Variants in SEC24D observed in about 807,000 individuals in gnomAD.
SEC24D encodes the protein SEC24 homolog D, COPII component.
A neutral mutation model predicts 116.9 loss-of-function variants in SEC24D; 69 were observed. That is an observed-to-expected ratio of 0.59 (90% CI 0.49 to 0.72). SEC24D has a LOEUF of 0.72. Among genes scored for constraint, SEC24D ranks in the 30% least tolerant of loss-of-function variants. The pLI is 0.00. For synonymous variants in SEC24D, 405 were observed against 442.8 expected, an observed-to-expected ratio of 0.91 and a Z score of 1.07; for missense variants, 1,131 against 1,264.1, an observed-to-expected ratio of 0.89 and a Z score of 1.60.
At position 118,825,292 on chromosome 4, in the gene SEC24D, G is replaced by A. The variant is rs117002494; in HGVS notation, c.119-543C>T. On this transcript the variant is annotated intron_variant, in intron 2 of 22. Coordinates refer to ENST00000280551, the MANE Select transcript of SEC24D (RefSeq NM_014822.4). ...AAAAATCTTTCCAGAATCCTAACTG[G>A]CTGGATGATGAACAGCTGGGGGACT... The A allele has an allele frequency of 3.6e-5, 9 of 251,658 alleles. No individual in the cohort carries two copies. In the East Asian group the frequency reaches 9.0e-4, roughly 25 times the overall value. 15.6% of individuals were successfully genotyped at this position (251,658 alleles called of 1,614,324 possible).
intron 20 of SEC24D, among the ~76,000 whole-genome samples, chr4:118,731,936 G>A (rs941006752): frequency 1.3e-5 from 2 of 151,926 alleles, no homozygotes; most frequent in African/African-American, 4.8e-5. Context: ...CTAGTGCACT[G>A]GTCCTAAAGC....
chr4:118,724,452 A>C (rs1725304468), intron 22 of SEC24D, among the ~76,000 whole-genome samples: 1 of 152,232 alleles, frequency 6.6e-6, no homozygotes, highest in South Asian at 2.1e-4. Flanking sequence ...TTCTAGAAAA[A>C]AATAGATTTC....
rs150493867 is a variant in SEC24D, at chr4:118,831,781, C to T, written c.118+1798G>A. On this transcript the variant is annotated intron_variant, in intron 2 of 22. Transcript: ENST00000280551. The stretch of plus-strand genomic sequence containing the variant: ...AATAGATCTGAGAGACAAGCACTTT[C>T]TGTGAATGATCCAGCTTAGGGAAAA... Among the ~76,000 whole-genome samples the T allele has an allele frequency of 2.0e-3, 304 of 152,134 alleles. 1 individual carries two copies. Among genetic ancestry groups the T allele is most frequent in the African/African-American group, 7.1e-3 (293 of 41,506 alleles).
At chr4:118,795,159 T>A (rs1161323192) in intron 8 of SEC24D, among the ~76,000 whole-genome samples, 1 of 151,996 alleles carries the variant, frequency 6.6e-6, no homozygotes, top group African/African-American at 2.4e-5. Context: ...AAAAGACCAA[T>A]ACTACATATT....
intron 7 of SEC24D, among the ~76,000 whole-genome samples, chr4:118,803,950 T>A (rs1282139087): frequency 1.3e-5 from 2 of 152,204 alleles, no homozygotes; most frequent in Admixed American, 1.3e-4. Context: ...ATTATTAACC[T>A]CAGGTTTAGC....
chr4:118,812,148 C>G (rs1223698113), intron 6 of SEC24D, among the ~76,000 whole-genome samples: 7 of 152,174 alleles, frequency 4.6e-5, no homozygotes, highest in African/African-American at 1.7e-4. Flanking sequence ...ACAATGTGGC[C>G]TGGTCATTCC....
At chr4:118,752,186 G>T in intron 12 of SEC24D, 97 bp from the exon 13 acceptor site, 5 of 785,330 alleles carry the variant, frequency 6.4e-6, no homozygotes, top group East Asian at 2.6e-5. Flanking sequence ...AAACACATAT[G>T]GTATTTATTT....
At chr4:118,825,777 C>T (rs1409299797) in intron 2 of SEC24D, among the ~76,000 whole-genome samples, 1 of 152,200 alleles carries the variant, frequency 6.6e-6, no homozygotes, top group Non-Finnish European at 1.5e-5. Context: ...CCATACCCTG[C>T]TCTCTGGCAA....
chr4:118,829,029 G>T (rs1326440860), intron 2 of SEC24D, among the ~76,000 whole-genome samples: 1 of 152,148 alleles, frequency 6.6e-6, no homozygotes, highest in Non-Finnish European at 1.5e-5. Flanking sequence ...CCTAAGTCTT[G>T]TTTAGGTGCC....
chr4:118,767,718 G>A (rs1318990728), intron 9 of SEC24D, among the ~76,000 whole-genome samples: 1 of 151,520 alleles, frequency 6.6e-6, no homozygotes, highest in East Asian at 1.9e-4. Flanking sequence ...TTACATCGGA[G>A]TGAAAAAAAA....
At chr4:118,825,007 AT>A (rs968604076) in intron 2 of SEC24D, among the ~76,000 whole-genome samples, 1 of 152,236 alleles carries the variant, frequency 6.6e-6, no homozygotes, top group Non-Finnish European at 1.5e-5. Flanking sequence ...ACAGAAAAAA[AT>A]AAATTTGCAT....
At chr4:118,818,013 G>A (rs2110527481) in intron 3 of SEC24D, among the ~76,000 whole-genome samples, 1 of 151,994 alleles carries the variant, frequency 6.6e-6, no homozygotes, top group South Asian at 2.1e-4. Flanking sequence ...CTCTAGCCTG[G>A]GCAACAGAGC....
Position 118,744,099 on chromosome 4 carries a change from G to T in SEC24D, c.1884C>A (p.His628Gln). The change falls in exon 15 of 23, where the codon CAC (histidine) becomes CAA (glutamine). Residue 628 changes from histidine (H) to glutamine (Q), a missense_variant. Physicochemically the swap from His to Gln is conservative, Grantham distance 24 (BLOSUM62 0). Coordinates refer to ENST00000280551, the MANE Select transcript of SEC24D (RefSeq NM_014822.4). ...AGAGGAAGAGTGTCACAGAGCAGCC[G>T]TGAGCCACGCAGTCCTTGGCCAATG... ...YDSLAKDCVA[H>Q]GCSVTLFLFP... The T allele has an allele frequency of 6.2e-7, 1 of 1,613,316 alleles. No homozygotes were observed.
intron 8 of SEC24D, among the ~76,000 whole-genome samples, chr4:118,789,155 G>C (rs903812952): frequency 6.6e-6 from 1 of 152,176 alleles, no homozygotes; most frequent in Non-Finnish European, 1.5e-5. Flanking sequence ...TCACTTACCA[G>C]CTGGTAACTT....
chr4:118,793,190 G>A (rs533226131), intron 8 of SEC24D, among the ~76,000 whole-genome samples: 8 of 152,076 alleles, frequency 5.3e-5, no homozygotes, highest in Non-Finnish European at 8.8e-5. Context: ...AGGCCCGGCC[G>A]GGCGCGGTGG....
At chr4:118,806,850 G>A (rs1366506888) in intron 6 of SEC24D, among the ~76,000 whole-genome samples, 1 of 151,984 alleles carries the variant, frequency 6.6e-6, no homozygotes. Flanking sequence ...AGCCAGGCAT[G>A]GTGGCACCTG....
chr4:118,766,382 C>T (rs1312650390), intron 9 of SEC24D: 1 of 152,184 alleles, frequency 6.6e-6, no homozygotes, highest in Non-Finnish European at 1.5e-5. Context: ...CTAACTCCAA[C>T]AAACCTCTGT....
intron 8 of SEC24D, among the ~76,000 whole-genome samples, chr4:118,768,652 C>A (rs1368846041): frequency 6.6e-6 from 1 of 152,166 alleles, no homozygotes; most frequent in Non-Finnish European, 1.5e-5. Flanking sequence ...ACCCTGGCCT[C>A]CCAAAGTGCT....
At chr4:118,738,145 G>C in intron 19 of SEC24D, 116 bp downstream of exon 19, 1 of 725,124 alleles carries the variant, frequency 1.4e-6, no homozygotes, top group South Asian at 1.7e-5. Flanking sequence ...CAGCTACACT[G>C]TTTACTGTAA....
Sources: gnomAD v4.1 joint callset for allele counts (sites outside exome capture counted in the v4.1 genomes callset) on GRCh38, gnomAD v4.1.1 for gene constraint, MANE v1.5 for transcripts, NCBI Gene and HGNC (gene_info 2026-07-23, HGNC 2026-07-21) for gene names.